The following ATP23 variants were observed in gnomAD, a reference collection of about 807,000 sequenced individuals.
ATP23 encodes mitochondrial inner membrane protease ATP23 homolog.
Under a neutral mutation model 28.5 loss-of-function variants are expected in ATP23, and 24 were observed. That is an observed-to-expected ratio of 0.84 (90% confidence interval 0.61 to 1.18). ATP23 has a LOEUF of 1.18. ATP23 is among the 50% of genes most tolerant of loss of function. ATP23 has a pLI of 0.00. For synonymous variants in ATP23, 99 were observed against 108.6 expected (o/e 0.91, Z 0.55); for missense variants, 274 against 306.4 (o/e 0.89, Z 0.79).
chr12:57,943,792 T>C (rs1049993080), intron 1 of ATP23, among the ~76,000 whole-genome samples: 3 of 149,500 alleles, frequency 2.0e-5, no homozygotes, highest in Admixed American at 1.3e-4. Context: ...GGAGGAAGAG[T>C]GGAAATAGAT....
chr12:57,956,729 AG>A lies in ATP23; in HGVS notation c.582del (p.Asn195IlefsTer6), dbSNP rs1345420395. On this transcript the variant is annotated frameshift_variant, in exon 6 of 6. Transcript: ENST00000300145. LOFTEE classifies it high-confidence loss of function. Reference sequence around the variant, plus strand: ...AGCCACTCTTTCTATCCTGGCTGTTAGGAATATCAGCAAAGAAGTAGCTAAA... The same window carrying A: ...AGCCACTCTTTCTATCCTGGCTGTTAGAATATCAGCAAAGAAGTAGCTAAA... ...DRATLSILAV[R>X]NISKEVAKKA... 3 of 1,613,856 alleles carry A rather than the reference AG, an allele frequency of 1.9e-6. No individual in the cohort carries two copies. The African/African-American group carries it at 4.0e-5, about 22-fold the overall frequency.
At chr12:57,947,600 T>C (rs1236967951) in intron 3 of ATP23, among the ~76,000 whole-genome samples, 1 of 152,220 alleles carries the variant, frequency 6.6e-6, no homozygotes, top group East Asian at 1.9e-4. Flanking sequence ...GTTTTTACCT[T>C]TACGTGGTGA....
chr12:57,953,875 A>C (rs968358773), intron 5 of ATP23, among the ~76,000 whole-genome samples, 186 bp downstream of exon 5: 1 of 152,164 alleles, frequency 6.6e-6, no homozygotes. Flanking sequence ...TGGGCAAGCT[A>C]TGTGACTCAA....
In ATP23 at chr12:57,956,820, A is replaced by T. The variant is rs1330264171; in HGVS notation, c.671A>T (p.His224Leu). 2 of 1,613,868 alleles carry T rather than the reference A, an allele frequency of 1.2e-6. No homozygotes were observed. The highest frequency in any genetic ancestry group is 1.7e-6 in the Non-Finnish European group (2 of 1,179,948). ...CATGAACCTTTTGGAAGGATCCCAC[A>T]TAACAAGACTTATGCAAGATATGCT... ...NDHEPFGRIP[H>L]NKTYARYAHR... Residue 224 changes from histidine (H) to leucine (L), a missense_variant, in exon 6 of 6, where the codon CAT becomes CTT. His to Leu is a moderately conservative substitution (Grantham distance 99, BLOSUM62 -3). Transcript: ENST00000300145.
chr12:57,948,177 G>A (rs138380708), intron 3 of ATP23, among the ~76,000 whole-genome samples: 38 of 152,006 alleles, frequency 2.5e-4, no homozygotes, highest in African/African-American at 9.2e-4. Context: ...CTCCCTTCTC[G>A]GTCCCCCCAG....
intron 5 of ATP23, among the ~76,000 whole-genome samples, chr12:57,954,597 A>G (rs6581162): frequency 0.14 from 21,270 of 152,236 alleles, 2,712 homozygotes; most frequent in African/African-American, 0.34. Context: ...GTGGGGAAAG[A>G]AAGTATAGGA....
intron 1 of ATP23, among the ~76,000 whole-genome samples, chr12:57,944,079 C>T (rs549356834): frequency 7.9e-6 from 1 of 127,312 alleles, no homozygotes; most frequent in East Asian, 2.6e-4. Flanking sequence ...TTTTTAAGTA[C>T]AAGGACTACA....
intron 1 of ATP23, among the ~76,000 whole-genome samples, chr12:57,942,271 A>G (rs778259286): frequency 6.6e-6 from 1 of 152,200 alleles, no homozygotes; most frequent in Non-Finnish European, 1.5e-5. Context: ...TAAAAATGTA[A>G]TTAAGGCATA....
chr12:57,953,837 G>T, intron 5 of ATP23, 148 bp downstream of exon 5: 1 of 727,890 alleles, frequency 1.4e-6, no homozygotes, highest in Non-Finnish European at 2.3e-6. Context: ...AAACAAAGTA[G>T]ATGGAATTTA....
intron 3 of ATP23, among the ~76,000 whole-genome samples, chr12:57,948,826 T>G (rs994646020): frequency 6.6e-6 from 1 of 152,234 alleles, no homozygotes; most frequent in Non-Finnish European, 1.5e-5. Context: ...CTTTACCATC[T>G]ACATATACAA....
intron 1 of ATP23, among the ~76,000 whole-genome samples, chr12:57,942,932 T>A (rs1289479387): frequency 6.6e-6 from 1 of 152,212 alleles, no homozygotes; most frequent in Non-Finnish European, 1.5e-5. Context: ...AAGTTTACTT[T>A]CAGATACATT....
At chr12:57,954,078 C>A (rs1956842191) in intron 5 of ATP23, among the ~76,000 whole-genome samples, 1 of 151,182 alleles carries the variant, frequency 6.6e-6, no homozygotes, top group African/African-American at 2.4e-5. Flanking sequence ...ACCTGTAGTC[C>A]CAACTACTAT....
chr12:57,954,056 G>A (rs530835674), intron 5 of ATP23, among the ~76,000 whole-genome samples: 19 of 152,026 alleles, frequency 1.2e-4, no homozygotes, highest in African/African-American at 3.9e-4. Context: ...TTAGCTGGGC[G>A]TAGTGGAGCA....
rs542941094 is a variant in ATP23, at chr12:57,953,114, C to T, written c.454-492C>T. Among the ~76,000 whole-genome samples, 15 of 152,246 alleles carry T rather than the reference C, an allele frequency of 9.9e-5. No homozygotes were observed. The East Asian group carries it at 1.7e-3, about 18-fold the overall frequency. On this transcript the variant is annotated intron_variant, in intron 4 of 5. Transcript: ENST00000300145. ...TTTGAGGGAAGCTCCAAGGGAGATT[C>T]GGGCAAGGGTTGGGAGGGGCATATT... is the stretch of plus-strand genomic sequence containing the variant.
At chr12:57,949,150 A>C (rs1034508363) in intron 3 of ATP23, among the ~76,000 whole-genome samples, 1 of 152,242 alleles carries the variant, frequency 6.6e-6, no homozygotes, top group Non-Finnish European at 1.5e-5. Flanking sequence ...GCACATGTGC[A>C]AGAGTTTCTC....
intron 5 of ATP23, 141 bp from the exon 6 acceptor site, chr12:57,956,545 GT>G: frequency 1.4e-6 from 1 of 720,200 alleles, no homozygotes; most frequent in Non-Finnish European, 2.2e-6. Flanking sequence ...TGTTCATTTT[GT>G]TTTCTTCTTT....
chr12:57,947,558 A>G (rs1409761135), intron 3 of ATP23, among the ~76,000 whole-genome samples: 2 of 152,208 alleles, frequency 1.3e-5, no homozygotes, highest in African/African-American at 2.4e-5. Flanking sequence ...TGTAAGCCCT[A>G]TGGTGGGAGG....
intron 5 of ATP23, among the ~76,000 whole-genome samples, chr12:57,954,734 C>T (rs781759376): frequency 3.3e-5 from 5 of 152,118 alleles, no homozygotes; most frequent in Admixed American, 6.5e-5. Context: ...ATGAGCATCA[C>T]GATATCAGTT....
chr12:57,944,906 G>A (rs1034009371), intron 1 of ATP23, among the ~76,000 whole-genome samples: 1 of 152,150 alleles, frequency 6.6e-6, no homozygotes, highest in Non-Finnish European at 1.5e-5. Context: ...CAATTTAGAA[G>A]GTGGTAGTAC....
Sources: allele counts gnomAD v4.1 joint callset (sites outside exome capture counted in the v4.1 genomes callset), GRCh38; gene constraint gnomAD v4.1.1; transcripts MANE v1.5; gene names NCBI Gene and HGNC (gene_info 2026-07-23, HGNC 2026-07-21).